The following SNTG1 variants were observed in gnomAD, a reference collection of about 807,000 sequenced individuals.
SNTG1 encodes the protein syntrophin gamma 1.
In SNTG1, 39 loss-of-function variants were observed where a neutral mutation model predicts 74.7. That is an observed-to-expected ratio of 0.52 (90% CI 0.40 to 0.68). The LOEUF is 0.68. Among genes scored for constraint, SNTG1 ranks in the 30% least tolerant of loss-of-function variants. The pLI is 0.00. For missense variants in SNTG1, 685 were observed against 609.5 expected (o/e 1.12, Z -1.30); for synonymous variants, 254 against 217.1 (o/e 1.17, Z -1.49).
At chr8:49,941,829 C>G (rs547035671) in intron 1 of SNTG1, among the ~76,000 whole-genome samples, 78 of 152,276 alleles carry the variant, frequency 5.1e-4, no homozygotes, top group Non-Finnish European at 9.6e-4. Flanking sequence ...ATATAAATGA[C>G]CTTTTCTCTC....
intron 17 of SNTG1, among the ~76,000 whole-genome samples, chr8:50,733,931 G>C (rs1018253615): frequency 6.6e-6 from 1 of 151,294 alleles, no homozygotes; most frequent in South Asian, 2.1e-4. Flanking sequence ...TCATGTCTAG[G>C]ACTTCATATA....
At chr8:50,584,582 G>C (rs577554124) in intron 12 of SNTG1, among the ~76,000 whole-genome samples, 3 of 144,478 alleles carry the variant, frequency 2.1e-5, no homozygotes, top group Admixed American at 7.3e-5. Context: ...GTGCGTTCTC[G>C]ATGACACTGA....
At chr8:50,295,993 G>A (rs570229162) in intron 2 of SNTG1, among the ~76,000 whole-genome samples, 1 of 152,164 alleles carries the variant, frequency 6.6e-6, no homozygotes, top group Non-Finnish European at 1.5e-5. Context: ...TCATTAATGT[G>A]ATGCTAGGCT....
intron 18 of SNTG1, among the ~76,000 whole-genome samples, chr8:50,784,210 A>C (rs957309606): frequency 2.6e-5 from 4 of 152,210 alleles, no homozygotes; most frequent in Non-Finnish European, 4.4e-5. Flanking sequence ...TTTGTTTTAC[A>C]TATAATATGC....
intron 4 of SNTG1, among the ~76,000 whole-genome samples, chr8:50,424,267 C>T (rs1161905122): frequency 6.6e-6 from 1 of 152,066 alleles, no homozygotes; most frequent in African/African-American, 2.4e-5. Context: ...TCTGTAAGTC[C>T]TTGGCAAGTA....
intron 13 of SNTG1, among the ~76,000 whole-genome samples, chr8:50,647,094 A>G (rs1387973577): frequency 6.6e-6 from 1 of 152,206 alleles, no homozygotes; most frequent in Non-Finnish European, 1.5e-5. Flanking sequence ...TAAATTTGAA[A>G]GGCAAATAAA....
At chr8:50,029,880 G>T (rs533032950) in intron 1 of SNTG1, among the ~76,000 whole-genome samples, 17 of 152,108 alleles carry the variant, frequency 1.1e-4, no homozygotes, top group Non-Finnish European at 1.8e-4. Flanking sequence ...GGGATTGCTG[G>T]CTCATATGGT....
chr8:50,324,933 T>TTATACA, intron 2 of SNTG1, among the ~76,000 whole-genome samples: 1 of 67,398 alleles, frequency 1.5e-5, no homozygotes, highest in Admixed American at 2.1e-4. Context: ...TGTGTGCATT[T>TTATACA]TATACATATA....
At chr8:50,038,044 C>T (rs973725307) in intron 1 of SNTG1, among the ~76,000 whole-genome samples, 4 of 152,150 alleles carry the variant, frequency 2.6e-5, no homozygotes, top group Admixed American at 6.5e-5. Context: ...AACTACGATA[C>T]GCTTTCCTAA....
At chr8:50,068,667 A>G (rs1405560147) in intron 1 of SNTG1, among the ~76,000 whole-genome samples, 3 of 152,142 alleles carry the variant, frequency 2.0e-5, no homozygotes, top group Non-Finnish European at 2.9e-5. Context: ...TGGATGCCCA[A>G]TTGTGGTAGG....
At position 50,603,181 on chromosome 8, in the gene SNTG1, T is replaced by G. The variant is rs181588936; in HGVS notation, c.849+12264T>G. Among the ~76,000 whole-genome samples the G allele has an allele frequency of 2.0e-5, 3 of 152,336 alleles. No homozygotes were observed. The East Asian group carries it at 5.8e-4, about 29-fold the overall frequency. ...CCTTTTCAAGGCTATTTTCTTGATC[T>G]TGTGAATGTGCTTGATTAATTTGTT... On this transcript the variant is annotated intron_variant, in intron 13 of 18. Coordinates refer to ENST00000642720, the MANE Select transcript of SNTG1 (RefSeq NM_018967.5).
At chr8:50,619,587 T>C (rs112388757) in intron 13 of SNTG1, among the ~76,000 whole-genome samples, 7,683 of 151,846 alleles carry the variant, frequency 0.051, 363 homozygotes, top group African/African-American at 0.12. Context: ...AAAAATTAGC[T>C]GGGCGTGGTG....
intron 15 of SNTG1, among the ~76,000 whole-genome samples, chr8:50,699,625 C>A (rs1279900691): frequency 6.6e-6 from 1 of 152,056 alleles, no homozygotes; most frequent in African/African-American, 2.4e-5. Flanking sequence ...GAGAAAAATG[C>A]AACTGATGAG....
At chr8:50,214,314 C>T (rs970060394) in intron 2 of SNTG1, among the ~76,000 whole-genome samples, 7 of 149,636 alleles carry the variant, frequency 4.7e-5, no homozygotes, top group Admixed American at 6.7e-5. Flanking sequence ...TGCTAAATGA[C>T]GAGTTAATGG....
chr8:50,299,247 T>G (rs2089533370), intron 2 of SNTG1, among the ~76,000 whole-genome samples: 1 of 152,084 alleles, frequency 6.6e-6, no homozygotes, highest in South Asian at 2.1e-4. Flanking sequence ...TGGAATGCAG[T>G]GATGTGATCA....
At chr8:49,951,873 CAAAAAAAAAAAAAAAAAAA>C (rs5891338) in intron 1 of SNTG1, among the ~76,000 whole-genome samples, 1 of 56,268 alleles carries the variant, frequency 1.8e-5, no homozygotes, top group Non-Finnish European at 3.3e-5. Flanking sequence ...GGAAAATTCA[CAAAAAAAAAAAAAAAAAAA>C]AAAAAAAAAA....
chr8:50,614,314 C>T (rs2094871763), intron 13 of SNTG1, among the ~76,000 whole-genome samples: 1 of 151,962 alleles, frequency 6.6e-6, no homozygotes. Flanking sequence ...CATAGAAAAG[C>T]ATTCAATATT....
intron 8 of SNTG1, among the ~76,000 whole-genome samples, chr8:50,483,885 C>A (rs964460523): frequency 1.1e-4 from 16 of 152,066 alleles, no homozygotes; most frequent in African/African-American, 3.4e-4. Context: ...TGTATTATTT[C>A]TTTTTCTTCA....
At chr8:50,305,326 T>C (rs564028102) in intron 2 of SNTG1, among the ~76,000 whole-genome samples, 2 of 152,298 alleles carry the variant, frequency 1.3e-5, no homozygotes, top group African/African-American at 2.4e-5. Flanking sequence ...ACCTGCTCAA[T>C]TTTTGCTCGG....
Sources: allele counts gnomAD v4.1 joint callset (sites outside exome capture counted in the v4.1 genomes callset), GRCh38; gene constraint gnomAD v4.1.1; transcripts MANE v1.5; gene names NCBI Gene and HGNC (gene_info 2026-07-23, HGNC 2026-07-21).